The following FOSL1 variants were observed in gnomAD, a reference collection of about 807,000 sequenced individuals.
FOSL1 encodes fos-related antigen 1.
A neutral mutation model predicts 24.9 loss-of-function variants in FOSL1; 14 were observed. The observed-to-expected ratio is 0.56, with a 90% CI of 0.37 to 0.88. FOSL1 has a LOEUF of 0.88. Ranked by LOEUF, FOSL1 falls within the 40% of genes least tolerant of loss-of-function variation. FOSL1 has a pLI of 0.00. For synonymous variants in FOSL1, 133 were observed against 145.1 expected, an observed-to-expected ratio of 0.92 and a Z score of 0.60; for missense variants, 318 against 359.8, an observed-to-expected ratio of 0.88 and a Z score of 0.94.
chr11:65,900,161 G>T, intron 1 of FOSL1, 80 bp downstream of exon 1: 1 of 694,658 alleles, frequency 1.4e-6, no homozygotes, highest in Non-Finnish European at 2.0e-6. Flanking sequence ...CCCCGCTCCA[G>T]TCCCGGAGCG....
At chr11:65,896,776 G>T in intron 2 of FOSL1, 33 bp downstream of exon 2, 1 of 1,539,332 alleles carries the variant, frequency 6.5e-7, no homozygotes. Flanking sequence ...TCCTGGGCGG[G>T]GTCGGAACCA....
chr11:65,896,785 C>T, intron 2 of FOSL1, 24 bp downstream of exon 2: 1 of 1,564,856 alleles, frequency 6.4e-7, no homozygotes, highest in East Asian at 2.3e-5. Flanking sequence ...GGGTCGGAAC[C>T]ACTGCAATGC....
chr11:65,900,013 C>T (rs748789560), intron 1 of FOSL1, among the ~76,000 whole-genome samples: 23 of 152,222 alleles, frequency 1.5e-4, no homozygotes, highest in Non-Finnish European at 2.9e-4. Flanking sequence ...CGGACGCGGA[C>T]GGCGAGGGAG....
rs552740241 is a variant in FOSL1 at position 65,899,562 on chromosome 11, G to T, written c.99+679C>A. ...GGCTGAGAGTGGGGTCGCGAGAGTC[G>T]CCCGCAGCCTGACCCCGCGCACGTC... On this transcript the variant is annotated intron_variant, in intron 1 of 3. Transcript: ENST00000312562. Among the ~76,000 whole-genome samples the T allele has an allele frequency of 3.9e-5, 6 of 152,336 alleles. No homozygotes were observed. The South Asian group carries it at 8.3e-4, about 21-fold the overall frequency.
At chr11:65,896,260 A>C (rs554018580) in intron 2 of FOSL1, among the ~76,000 whole-genome samples, 11 of 152,288 alleles carry the variant, frequency 7.2e-5, no homozygotes, top group African/African-American at 2.6e-4. Context: ...GATCTTGGGC[A>C]AGTGACTACC....
chr11:65,900,316 G>T lies in FOSL1; in HGVS notation c.24C>A (p.Pro8=), dbSNP rs918930628. MFRDFGE[P]GPSSGNGGGY... ...CGCCGCCGTTCCCGGAGCTCGGGCC[G>T]GGTTCCCCGAAGTCTCGGAACATGC... Residue 8 remains proline, a synonymous_variant, in exon 1 of 4, where the codon CCC becomes CCA. Transcript: ENST00000312562. 8.0e-7 allele frequency: 1 copy of T among 1,243,596 alleles called. No homozygotes were observed. The highest frequency in any genetic ancestry group is 1.0e-6 in the Non-Finnish European group (1 of 993,898). 77.0% of individuals were successfully genotyped at this position (1,243,596 alleles called of 1,614,324 possible).
intron 1 of FOSL1, among the ~76,000 whole-genome samples, chr11:65,898,087 T>C (rs1233397067): frequency 3.4e-5 from 5 of 145,660 alleles, no homozygotes; most frequent in Non-Finnish European, 6.0e-5. Context: ...GTCACCCAGG[T>C]TGGAGTGCAG....
In FOSL1 at chr11:65,892,119, G is replaced by T. The variant is rs374781493; in HGVS notation, c.*767C>A. Reference sequence around the variant, plus strand: ...TAAGACAAAGTCCAAAAATATCAAAGAATTTGTCCAAGGTCATGCAGTGAG... The same window carrying T: ...TAAGACAAAGTCCAAAAATATCAAATAATTTGTCCAAGGTCATGCAGTGAG... On this transcript the variant is annotated 3_prime_UTR_variant, in exon 4 of 4. Transcript: ENST00000312562. 17 of 157,318 alleles carry T rather than the reference G, an allele frequency of 1.1e-4. No homozygotes were observed. In the East Asian group the frequency reaches 2.9e-3, roughly 27 times the overall value. 9.7% of individuals were successfully genotyped at this position (157,318 alleles called of 1,614,324 possible). A position where few individuals can be genotyped will look rare whatever the true frequency, so the allele number is the denominator to read the frequency against.
chr11:65,896,475 G>A (rs754007101), intron 2 of FOSL1, among the ~76,000 whole-genome samples: 39 of 152,084 alleles, frequency 2.6e-4, no homozygotes, highest in Admixed American at 1.2e-3. Flanking sequence ...CATTCCGTGT[G>A]CGCACCTTAC....
rs1424842166 is a variant in FOSL1, at chr11:65,894,116, G to A, written c.303C>T (p.Ser101=). 3 of 1,602,456 alleles carry A rather than the reference G, an allele frequency of 1.9e-6. No individual in the cohort carries two copies. Among genetic ancestry groups the A allele is most frequent in the Non-Finnish European group, 2.5e-6 (3 of 1,177,822 alleles). Residue 101 remains serine, a synonymous_variant, in exon 3 of 4, where the codon AGC becomes AGT. Coordinates refer to ENST00000312562, the MANE Select transcript of FOSL1 (RefSeq NM_005438.5). The part of the protein sequence containing the change: ...GVRRRPCEQI[S]PEEEERRRVR... ...CTCGGCGGCGCTCCTCTTCCTCCGG[G>A]CTGATCTGGGGGTGAGACCCGCAGT...
At chr11:65,896,039 T>C (rs1313968425) in intron 2 of FOSL1, among the ~76,000 whole-genome samples, 1 of 152,086 alleles carries the variant, frequency 6.6e-6, no homozygotes, top group Non-Finnish European at 1.5e-5. Flanking sequence ...TTTTATTTTG[T>C]TTTTTCGGTA....
chr11:65,894,241 G>T lies in FOSL1; in HGVS notation c.298-120C>A, dbSNP rs1211945346. 5 of 689,232 alleles carry T rather than the reference G, an allele frequency of 7.3e-6. No individual in the cohort carries two copies. In the East Asian group the frequency reaches 1.1e-4, roughly 15 times the overall value. 42.7% of individuals were successfully genotyped at this position (689,232 alleles called of 1,614,324 possible). On this transcript the variant is annotated intron_variant, in intron 2 of 3. Coordinates refer to ENST00000312562, the MANE Select transcript of FOSL1 (RefSeq NM_005438.5). Reference sequence around the variant, plus strand: ...TCATGGCAGGGCCCCCTCAGCCGGTGATTTAGGGATCACTGCACCCAACCA... The same window carrying T: ...TCATGGCAGGGCCCCCTCAGCCGGTTATTTAGGGATCACTGCACCCAACCA...
intron 1 of FOSL1, among the ~76,000 whole-genome samples, 200 bp from the exon 2 acceptor site, chr11:65,897,206 C>G (rs1162612534): frequency 6.6e-6 from 1 of 152,180 alleles, no homozygotes; most frequent in East Asian, 1.9e-4. Context: ...GGTCACATAA[C>G]CTCTCTGTGC....
At chr11:65,894,966 CTTTTTTTT>C in intron 2 of FOSL1, among the ~76,000 whole-genome samples, 1 of 141,522 alleles carries the variant, frequency 7.1e-6, no homozygotes, top group East Asian at 2.1e-4. Flanking sequence ...CTTTTTTTTT[CTTTTTTTT>C]TTTTGTGTAG....
Position 65,892,669 on chromosome 11 carries a change from T to C in FOSL1, c.*217A>G, listed in dbSNP as rs1416371860. The C allele has an allele frequency of 2.9e-6, 2 of 699,132 alleles. No individual in the cohort carries two copies. Among genetic ancestry groups the C allele is most frequent in the Non-Finnish European group, 2.6e-6 (1 of 383,550 alleles). 43.3% of individuals were successfully genotyped at this position (699,132 alleles called of 1,614,324 possible). On this transcript the variant is annotated 3_prime_UTR_variant, in exon 4 of 4. Coordinates refer to ENST00000312562, the MANE Select transcript of FOSL1 (RefSeq NM_005438.5). ...TATTTTGTCTCTGATTTAGTGCAAA[T>C]TGTGCTAGAGAGGCCAGCTCAAGAG... is the stretch of plus-strand genomic sequence containing the variant.
chr11:65,892,768 A>T lies in FOSL1; in HGVS notation c.*118T>A. Reference sequence around the variant, plus strand: ...CAATATGGTCAGTCTCATTAGAGGGATGGAGAAGAAGTTGCTGGAGTTGGA... The same window carrying T: ...CAATATGGTCAGTCTCATTAGAGGGTTGGAGAAGAAGTTGCTGGAGTTGGA... On this transcript the variant is annotated 3_prime_UTR_variant, in exon 4 of 4. Coordinates refer to ENST00000312562, the MANE Select transcript of FOSL1 (RefSeq NM_005438.5). 1.0e-6 allele frequency: 1 copy of T among 960,194 alleles called. No homozygotes were observed. The highest frequency in any genetic ancestry group is 1.5e-5 in the South Asian group (1 of 67,936). 59.5% of individuals were successfully genotyped at this position (960,194 alleles called of 1,614,324 possible).
At position 65,892,112 on chromosome 11, in the gene FOSL1, T is replaced by C. The variant is rs1297289244; in HGVS notation, c.*774A>G. The C allele has an allele frequency of 6.4e-6, 1 of 157,120 alleles. No homozygotes were observed. The highest frequency in any genetic ancestry group is 1.4e-5 in the Non-Finnish European group (1 of 70,932). The allele number at this position is 157,120 out of a possible 1,614,324, so 9.7% of individuals were successfully genotyped here. ...TGTCAGATAAGACAAAGTCCAAAAA[T>C]ATCAAAGAATTTGTCCAAGGTCATG... On this transcript the variant is annotated 3_prime_UTR_variant, in exon 4 of 4. Coordinates refer to ENST00000312562, the MANE Select transcript of FOSL1 (RefSeq NM_005438.5).
intron 1 of FOSL1, among the ~76,000 whole-genome samples, chr11:65,898,046 T>TTTTTTTTTG (rs1860575276): frequency 2.1e-5 from 1 of 47,332 alleles, no homozygotes; most frequent in African/African-American, 8.3e-5. Context: ...TTCTTTTCTG[T>TTTTTTTTTG]TTTTTTTTTT....
Position 65,892,923 on chromosome 11 carries a change from G to C in FOSL1, c.779C>G (p.Ser260Cys). Reference sequence around the variant, plus strand: ...GAGGGTTGGAGAGCCAAGGGGGTCAGAGGATGGGTCTCCGCTGCTGCTGCT... The same window carrying C: ...GAGGGTTGGAGAGCCAAGGGGGTCACAGGATGGGTCTCCGCTGCTGCTGCT... The part of the protein sequence containing the change: ...KSSSSSGDPS[S>C]DPLGSPTLLA... The change falls in exon 4 of 4, where the codon TCT becomes TGT. Residue 260 changes from serine to cysteine, a missense_variant. Physicochemically the swap from Ser to Cys is moderately radical, Grantham distance 112. Coordinates refer to ENST00000312562, the MANE Select transcript of FOSL1 (RefSeq NM_005438.5). 6.2e-7 allele frequency: 1 copy of C among 1,612,294 alleles called. No homozygotes were observed. The highest frequency in any genetic ancestry group is 8.5e-7 in the Non-Finnish European group (1 of 1,180,016).
Sources: allele counts gnomAD v4.1 joint callset (sites outside exome capture counted in the v4.1 genomes callset), GRCh38; gene constraint gnomAD v4.1.1; transcripts MANE v1.5; gene names NCBI Gene and HGNC (gene_info 2026-07-23, HGNC 2026-07-21).